Variants in ZMIZ1 observed in about 807,000 individuals in gnomAD.
ZMIZ1 encodes the protein zinc finger MIZ domain-containing protein 1.
A neutral mutation model predicts 113.9 loss-of-function variants in ZMIZ1; 17 were observed. The ratio of observed to expected loss-of-function variants is 0.15; its 90% CI spans 0.10 to 0.22. The LOEUF is 0.22. ZMIZ1 is among the 10% of genes least tolerant of loss of function. The pLI, the probability that ZMIZ1 is intolerant of heterozygous loss-of-function variation, is 1.00. For synonymous variants in ZMIZ1, 607 were observed against 603.1 expected (o/e 1.01, Z -0.09); for missense variants, 1,059 against 1,477.8 (o/e 0.72, Z 4.65).
chr10:79,284,317 T>C (rs1004334375), intron 8 of ZMIZ1, among the ~76,000 whole-genome samples: 1 of 152,218 alleles, frequency 6.6e-6, no homozygotes, highest in African/African-American at 2.4e-5. Context: ...TTGGTTCTGC[T>C]TAGGAGGGTC....
At chr10:79,100,531 C>T (rs905137717) in intron 1 of ZMIZ1, among the ~76,000 whole-genome samples, 3 of 151,776 alleles carry the variant, frequency 2.0e-5, no homozygotes, top group Non-Finnish European at 4.4e-5. Flanking sequence ...TGATCACATC[C>T]CAGAGGGCCT....
intron 4 of ZMIZ1, among the ~76,000 whole-genome samples, chr10:79,184,202 G>T (rs1002536261): frequency 2.0e-5 from 3 of 152,186 alleles, no homozygotes; most frequent in Non-Finnish European, 4.4e-5. Flanking sequence ...CAGAGGGGAG[G>T]ATTCCAGGAA....
intron 14 of ZMIZ1, 129 bp from the exon 15 acceptor site, chr10:79,298,277 C>A (rs182072168): frequency 6.6e-6 from 7 of 1,067,062 alleles, no homozygotes; most frequent in Non-Finnish European, 9.4e-6. Context: ...AAGAGTTTCC[C>A]TGGAGGAGGC....
chr10:79,098,811 C>T (rs899946645), intron 1 of ZMIZ1, among the ~76,000 whole-genome samples: 2 of 152,174 alleles, frequency 1.3e-5, no homozygotes, highest in African/African-American at 2.4e-5. Flanking sequence ...AGCACCCTAC[C>T]GAGGACAGGC....
At position 79,179,901 on chromosome 10, in the gene ZMIZ1, A is replaced by G. The variant is rs941161792; in HGVS notation, c.-50+17768A>G. 4.3e-4 allele frequency among the ~76,000 whole-genome samples: 65 copies of G among 152,084 alleles called. 2 individuals are homozygous for G. Among genetic ancestry groups the G allele is most frequent in the Admixed American group, 1.1e-3 (17 of 15,274 alleles). The stretch of plus-strand genomic sequence containing the variant: ...TCCAGGCAGGCAGGCCACAGGGACA[A>G]CCGCCACGCATGCCACCACCCTCTC... On this transcript the variant is annotated intron_variant, in intron 4 of 24. Coordinates refer to ENST00000334512, the MANE Select transcript of ZMIZ1 (RefSeq NM_020338.4).
At chr10:79,305,112 A>G in intron 19 of ZMIZ1, 52 bp from the exon 20 acceptor site, 1 of 1,604,714 alleles carries the variant, frequency 6.2e-7, no homozygotes, top group Non-Finnish European at 8.5e-7. Flanking sequence ...AGGCACATCT[A>G]GGCAGTTTCT....
At chr10:79,235,332 T>A (rs1406439062) in intron 7 of ZMIZ1, among the ~76,000 whole-genome samples, 1 of 152,186 alleles carries the variant, frequency 6.6e-6, no homozygotes, top group Non-Finnish European at 1.5e-5. Flanking sequence ...GATGAAGGAC[T>A]CCTGGCAAAC....
chr10:79,143,920 C>A (rs977432484), intron 3 of ZMIZ1, among the ~76,000 whole-genome samples: 1 of 152,140 alleles, frequency 6.6e-6, no homozygotes, highest in Non-Finnish European at 1.5e-5. Context: ...CTTTTCCAGG[C>A]TGAGAATTGA....
chr10:79,246,187 A>T (rs570877721), intron 7 of ZMIZ1, among the ~76,000 whole-genome samples: 1 of 152,360 alleles, frequency 6.6e-6, no homozygotes, highest in African/African-American at 2.4e-5. Flanking sequence ...CATGAGTCCC[A>T]GGTCTCCAAC....
intron 4 of ZMIZ1, among the ~76,000 whole-genome samples, chr10:79,182,568 C>T (rs1847165718): frequency 6.6e-6 from 1 of 152,194 alleles, no homozygotes; most frequent in Non-Finnish European, 1.5e-5. Flanking sequence ...GGATTAAATA[C>T]CAGCAAGGTG....
intron 24 of ZMIZ1, 59 bp downstream of exon 24, chr10:79,311,243 C>A: frequency 7.5e-7 from 1 of 1,335,792 alleles, no homozygotes; most frequent in Non-Finnish European, 9.9e-7. Flanking sequence ...GGGACCTGCC[C>A]GAGAGAAGGG....
chr10:79,075,182 G>A (rs1298542181), intron 1 of ZMIZ1, among the ~76,000 whole-genome samples: 1 of 152,164 alleles, frequency 6.6e-6, no homozygotes, highest in Admixed American at 6.5e-5. Flanking sequence ...TTGAGTGATG[G>A]TGGGTGTCGT....
chr10:79,109,669 A>G (rs771219086), intron 1 of ZMIZ1, among the ~76,000 whole-genome samples: 2 of 152,172 alleles, frequency 1.3e-5, no homozygotes, highest in African/African-American at 2.4e-5. Flanking sequence ...GACCTTGAGG[A>G]CAGCCCCGGG....
chr10:79,306,774 A>AT (rs1854729631), intron 22 of ZMIZ1, among the ~76,000 whole-genome samples: 1 of 152,098 alleles, frequency 6.6e-6, no homozygotes, highest in Non-Finnish European at 1.5e-5. Flanking sequence ...ACTGCCACTG[A>AT]TTCCTGGAAA....
intron 7 of ZMIZ1, among the ~76,000 whole-genome samples, chr10:79,250,862 A>G (rs1376410803): frequency 1.3e-5 from 2 of 152,086 alleles, no homozygotes; most frequent in African/African-American, 4.8e-5. Flanking sequence ...AGGAGCCAAC[A>G]CACGGCTTCT....
At chr10:79,135,817 G>A (rs1370688686) in intron 2 of ZMIZ1, among the ~76,000 whole-genome samples, 1 of 152,198 alleles carries the variant, frequency 6.6e-6, no homozygotes, top group East Asian at 1.9e-4. Flanking sequence ...TGAGGGTCAT[G>A]TGCAAAGTGT....
chr10:79,078,042 G>A (rs1589246260), intron 1 of ZMIZ1, among the ~76,000 whole-genome samples: 1 of 152,172 alleles, frequency 6.6e-6, no homozygotes, highest in Non-Finnish European at 1.5e-5. Flanking sequence ...CAAAGGGCTG[G>A]CCCATCATCT....
intron 1 of ZMIZ1, among the ~76,000 whole-genome samples, chr10:79,099,552 G>A (rs976578084): frequency 1.6e-4 from 25 of 152,300 alleles, no homozygotes; most frequent in South Asian, 2.1e-4. Flanking sequence ...AACAGGGAGC[G>A]GTGGCCTCTG....
intron 5 of ZMIZ1, 99 bp downstream of exon 5, chr10:79,201,791 C>G (rs1848093835): frequency 1.0e-5 from 13 of 1,298,088 alleles, no homozygotes; most frequent in Non-Finnish European, 1.4e-5. Flanking sequence ...ATGGCAGGGC[C>G]TCCTGACCAC....
Sources: allele counts gnomAD v4.1 joint callset (sites outside exome capture counted in the v4.1 genomes callset), GRCh38; gene constraint gnomAD v4.1.1; transcripts MANE v1.5; gene names NCBI Gene and HGNC (gene_info 2026-07-23, HGNC 2026-07-21).